The following RNF212B variants were observed in gnomAD, a reference collection of about 807,000 sequenced individuals.
RNF212B encodes E3 ubiquitin-protein ligase RNF212B.
In RNF212B, 52 loss-of-function variants were observed where a neutral mutation model predicts 55.5. The ratio of observed to expected loss-of-function variants is 0.94; its 90% CI spans 0.75 to 1.18. The LOEUF is 1.18. Among genes scored for constraint, RNF212B ranks in the 50% most tolerant of loss-of-function variants. The probability of loss-of-function intolerance (pLI) is 0.00; values close to 1 mark genes in which losing one functional copy is unlikely to be tolerated. For missense variants in RNF212B, 289 were observed against 350.4 expected (o/e 0.82, Z 1.40); for synonymous variants, 99 against 121.4 (o/e 0.82, Z 1.21).
chr14:23,238,250 G>C (rs1413290914), intron 1 of RNF212B, among the ~76,000 whole-genome samples, 195 bp downstream of exon 1: 1 of 143,624 alleles, frequency 7.0e-6, no homozygotes, highest in African/African-American at 3.0e-5. Flanking sequence ...CATATAGAAC[G>C]GGGCCTTTTC....
chr14:23,200,649 T>A (rs1273191465), intron 2 of RNF212B, among the ~76,000 whole-genome samples: 1 of 152,142 alleles, frequency 6.6e-6, no homozygotes, highest in East Asian at 1.9e-4. Flanking sequence ...CTCTTGAGGA[T>A]CCAAGATAAA....
intron 4 of RNF212B, among the ~76,000 whole-genome samples, chr14:23,249,041 A>G (rs1192543541): frequency 1.3e-5 from 2 of 152,264 alleles, no homozygotes; most frequent in Non-Finnish European, 2.9e-5. Flanking sequence ...TTATGTTCCA[A>G]TAAAACTTAT....
chr14:23,235,788 A>G (rs879894919), upstream of RNF212B, among the ~76,000 whole-genome samples: 1 of 152,246 alleles, frequency 6.6e-6, no homozygotes, highest in Non-Finnish European at 1.5e-5. Flanking sequence ...TGAAATGACC[A>G]GTTTGGTCTA....
chr14:23,202,674 AC>A (rs1247913818), intron 2 of RNF212B, among the ~76,000 whole-genome samples: 1 of 152,062 alleles, frequency 6.6e-6, no homozygotes, highest in East Asian at 1.9e-4. Context: ...ACACGGTGAA[AC>A]CCTGTCTCTA....
chr14:23,235,060 A>G (rs1383872051), upstream of RNF212B, among the ~76,000 whole-genome samples: 1 of 152,146 alleles, frequency 6.6e-6, no homozygotes, highest in Non-Finnish European at 1.5e-5. Context: ...AAGAATACAA[A>G]AATTAACCAG....
chr14:23,260,089 T>C (rs1428701860), intron 6 of RNF212B, 145 bp downstream of exon 6: 4 of 523,920 alleles, frequency 7.6e-6, no homozygotes, highest in Non-Finnish European at 1.3e-5. Flanking sequence ...CACACTATAG[T>C]AAATGGATGA....
At chr14:23,232,787 G>GGT (rs1882796433) in intron 2 of RNF212B, among the ~76,000 whole-genome samples, 1 of 147,620 alleles carries the variant, frequency 6.8e-6, no homozygotes, top group Non-Finnish European at 1.5e-5. Context: ...AGGGAGGTGG[G>GGT]GGGGGGGTCA....
chr14:23,231,989 G>C (rs1315830351), intron 2 of RNF212B, among the ~76,000 whole-genome samples: 3 of 152,222 alleles, frequency 2.0e-5, no homozygotes, highest in Non-Finnish European at 4.4e-5. Flanking sequence ...ATCTTGGCTA[G>C]CTACAGCCTC....
chr14:23,188,772 A>G (rs1053747415), intron 1 of RNF212B, among the ~76,000 whole-genome samples: 1 of 152,140 alleles, frequency 6.6e-6, no homozygotes, highest in Non-Finnish European at 1.5e-5. Flanking sequence ...GCTGGGCCTC[A>G]GGTTTTTAAA....
intron 5 of RNF212B, chr14:23,259,453 G>A (rs78898862): frequency 1.2e-5 from 1 of 85,862 alleles, no homozygotes; most frequent in African/African-American, 4.1e-5. Flanking sequence ...AGTTTTTTTT[G>A]TTTTTTTTTT....
At position 23,225,347 on chromosome 14, in the gene RNF212B, T is replaced by G. The variant is rs146413244; in HGVS notation, c.-1-14998T>G. Among the ~76,000 whole-genome samples, 159 of 152,344 alleles carry G rather than the reference T, an allele frequency of 1.0e-3. 1 individual carries two copies. The highest frequency in any genetic ancestry group is 9.5e-3 in the Admixed American group (146 of 15,298). On this transcript the variant is annotated intron_variant, in intron 2 of 15. Coordinates refer to the RNF212B transcript ENST00000399910. ...AGGAAATCAGTATATCAAAGAGATA[T>G]CTGCACTCCCTTGTGTGTTGCAGCA...
intron 7 of RNF212B, among the ~76,000 whole-genome samples, chr14:23,262,446 G>A (rs1006162815): frequency 6.6e-6 from 1 of 152,154 alleles, no homozygotes; most frequent in African/African-American, 2.4e-5. Flanking sequence ...GCAACACAGA[G>A]GTGGAGAAAG....
At chr14:23,246,050 T>C (rs1883954716) in intron 4 of RNF212B, among the ~76,000 whole-genome samples, 1 of 152,196 alleles carries the variant, frequency 6.6e-6, no homozygotes, top group Non-Finnish European at 1.5e-5. Flanking sequence ...GCTGACTGTT[T>C]TGAATTCTTT....
At position 23,232,812 on chromosome 14, in the gene RNF212B, G is replaced by A. The variant is rs542219393; in HGVS notation, c.-1-7533G>A. Among the ~76,000 whole-genome samples the A allele has an allele frequency of 4.2e-5, 6 of 142,446 alleles. No individual in the cohort carries two copies. In the South Asian group the frequency reaches 1.2e-3, roughly 28 times the overall value. 93.5% of individuals were successfully genotyped at this position (142,446 alleles called of 152,430 possible). ...GGGGGGGGTCAGCCTCTGCCCGGCC[G>A]CCACCCTGTCTGGGAGGTGGGGGTG... On this transcript the variant is annotated intron_variant, in intron 2 of 15. Coordinates refer to the RNF212B transcript ENST00000399910.
At chr14:23,252,391 T>C (rs544797410) in intron 4 of RNF212B, among the ~76,000 whole-genome samples, 52 of 152,326 alleles carry the variant, frequency 3.4e-4, no homozygotes, top group Non-Finnish European at 6.0e-4. Flanking sequence ...AAAAAGTTTA[T>C]TATGATTTCA....
At chr14:23,256,064 C>T (rs1218027915) in intron 4 of RNF212B, among the ~76,000 whole-genome samples, 3 of 152,050 alleles carry the variant, frequency 2.0e-5, no homozygotes, top group Non-Finnish European at 2.9e-5. Flanking sequence ...TCCCATAGTC[C>T]AGTCTGGCTC....
At chr14:23,257,067 C>T (rs973912583) in intron 4 of RNF212B, among the ~76,000 whole-genome samples, 20 of 152,008 alleles carry the variant, frequency 1.3e-4, no homozygotes, top group Non-Finnish European at 2.2e-4. Context: ...GCAGGAGAAT[C>T]GCTTGAACGT....
At chr14:23,206,456 G>A (rs1287874329) in intron 2 of RNF212B, among the ~76,000 whole-genome samples, 1 of 152,044 alleles carries the variant, frequency 6.6e-6, no homozygotes, top group Non-Finnish European at 1.5e-5. Flanking sequence ...TATATTTTTA[G>A]TAGTGAAACA....
rs1878810184 is a variant in RNF212B, at chr14:23,197,269, G to GT, written c.-2+3869dup. 2.6e-5 allele frequency among the ~76,000 whole-genome samples: 4 copies of GT among 152,378 alleles called. No individual in the cohort carries two copies. In the South Asian group the frequency reaches 8.3e-4, roughly 32 times the overall value. ...AGGCCAGGCACTGTGGCTCACGCCT[G>GT]TAAGCCCGGCACTTTGGGAGGCTGA... On this transcript the variant is annotated intron_variant, in intron 2 of 15. Transcript: ENST00000399910.
Sources: gnomAD v4.1 joint callset for allele counts (sites outside exome capture counted in the v4.1 genomes callset) on GRCh38, gnomAD v4.1.1 for gene constraint, MANE v1.5 for transcripts, NCBI Gene and HGNC (gene_info 2026-07-23, HGNC 2026-07-21) for gene names.